EGFL6: variants seen among roughly 807,000 people sequenced by gnomAD.
EGFL6 encodes epidermal growth factor-like protein 6.
A neutral mutation model predicts 43.1 loss-of-function variants in EGFL6; 42 were observed. The ratio of observed to expected loss-of-function variants is 0.98; its 90% confidence interval spans 0.76 to 1.26. The LOEUF (loss-of-function observed/expected upper bound fraction) is 1.26. EGFL6 is among the 50% of genes most tolerant of loss of function. The probability of loss-of-function intolerance (pLI) is 0.00; values close to 1 mark genes in which losing one functional copy is unlikely to be tolerated. For synonymous variants in EGFL6, 164 were observed against 163.2 expected, an observed-to-expected ratio of 1.01 and a Z score of -0.04; for missense variants, 429 against 427.8, an observed-to-expected ratio of 1.00 and a Z score of -0.02.
intron 4 of EGFL6, 119 bp downstream of exon 4, chrX:13,600,213 G>C: frequency 3.1e-6 from 2 of 649,426 alleles, no homozygotes; most frequent in Non-Finnish European, 4.2e-6. Context: ...ATTGCCCCCA[G>C]CTAAAATGTT....
chrX:13,627,216 G>A lies in EGFL6; in HGVS notation c.1491G>A (p.Glu497=). 21 of 1,211,988 alleles carry A rather than the reference G, an allele frequency of 1.7e-5. No homozygotes were observed. The highest frequency in any genetic ancestry group is 2.3e-5 in the Non-Finnish European group (21 of 895,340). Residue 497 remains glutamate, a synonymous_variant, in exon 11 of 12, where the codon GAG becomes GAA. Coordinates refer to ENST00000361306, the MANE Select transcript of EGFL6 (RefSeq NM_015507.4). ...TGGCATGGGAGAAGACCACGAGTGA[G>A]GATGAAAAGTGGAAGACAGGGAAAA... ...NALAWEKTTS[E]DEKWKTGKIQ... is the part of the protein sequence containing the mutation.
At chrX:13,593,594 G>C (rs981007294) in intron 2 of EGFL6, among the ~76,000 whole-genome samples, 2 of 111,707 alleles carry the variant, frequency 1.8e-5, no homozygotes, top group African/African-American at 6.5e-5. Flanking sequence ...GCATCAGTGA[G>C]GCACTGGTCA....
intron 10 of EGFL6, among the ~76,000 whole-genome samples, chrX:13,624,163 T>C (rs1431009922): frequency 9.0e-6 from 1 of 111,645 alleles, no homozygotes; most frequent in African/African-American, 3.3e-5. Flanking sequence ...GAAAACCTCT[T>C]CCATATTCAC....
chrX:13,631,294 T>C (rs1162505984), intron 11 of EGFL6, among the ~76,000 whole-genome samples: 1 of 112,016 alleles, frequency 8.9e-6, no homozygotes, highest in East Asian at 2.8e-4. Flanking sequence ...AGAAACCCTC[T>C]AGGCCTAGTC....
At chrX:13,606,261 C>A in intron 5 of EGFL6, 118 bp from the exon 6 acceptor site, 2 of 753,325 alleles carry the variant, frequency 2.7e-6, no homozygotes, top group Non-Finnish European at 3.9e-6. Flanking sequence ...ATGATGTTGG[C>A]ACCAGTATAC....
chrX:13,612,099 G>T (rs1277551520), intron 7 of EGFL6, among the ~76,000 whole-genome samples: 6 of 109,560 alleles, frequency 5.5e-5, no homozygotes, highest in Non-Finnish European at 1.1e-4. Context: ...TCGGAGAGGG[G>T]GATTTGGCAG....
chrX:13,611,947 C>T (rs1410675303), intron 7 of EGFL6, among the ~76,000 whole-genome samples: 1 of 112,067 alleles, frequency 8.9e-6, no homozygotes, highest in Non-Finnish European at 1.9e-5. Flanking sequence ...CTCTAATTCT[C>T]CATAAAATAA....
chrX:13,624,954 A>C (rs1445660051), intron 10 of EGFL6: 2 of 112,117 alleles, frequency 1.8e-5, no homozygotes, highest in Non-Finnish European at 3.8e-5. Context: ...ACCAGGCTGA[A>C]AACATCATAT....
Position 13,617,836 on chromosome X carries a change from A to T in EGFL6, c.885A>T (p.Lys295Asn). ...AAAACAGCATGAAAAAGAAGGCAAA[A>T]ATTAAAAATGTTACCCCAGAACCCA... ...AHKNSMKKKA[K>N]IKNVTPEPTR... Residue 295 changes from lysine (K) to asparagine (N), a missense_variant, in exon 8 of 12, where the codon AAA (lysine) becomes AAT (asparagine). Lys to Asn is a moderately conservative substitution (Grantham distance 94). Coordinates refer to ENST00000361306, the MANE Select transcript of EGFL6 (RefSeq NM_015507.4). 1 of 1,211,663 alleles carries T rather than the reference A, an allele frequency of 8.3e-7. No individual in the cohort carries two copies. The highest frequency in any genetic ancestry group is 1.1e-6 in the Non-Finnish European group (1 of 895,479).
intron 1 of EGFL6, chrX:13,575,023 C>T (rs1215325340): frequency 8.7e-6 from 1 of 115,276 alleles, no homozygotes; most frequent in Non-Finnish European, 1.8e-5. Flanking sequence ...CCAGATGATT[C>T]TGATATCATT....
chrX:13,629,656 A>C (rs1024186295), intron 11 of EGFL6, among the ~76,000 whole-genome samples: 1 of 112,288 alleles, frequency 8.9e-6, no homozygotes, highest in Non-Finnish European at 1.9e-5. Flanking sequence ...GGACATTTGT[A>C]ACATATGTGA....
chrX:13,612,626 G>A (rs963410954), intron 7 of EGFL6, among the ~76,000 whole-genome samples: 1 of 110,424 alleles, frequency 9.1e-6, no homozygotes, highest in Middle Eastern at 4.7e-3. Context: ...GGGCGGCTGG[G>A]CAGAGGCACC....
At chrX:13,578,673 G>A (rs963078807) in intron 1 of EGFL6, among the ~76,000 whole-genome samples, 7 of 110,586 alleles carry the variant, frequency 6.3e-5, no homozygotes, top group South Asian at 3.8e-4. Context: ...GCAAACTATC[G>A]CAAGGACAAA....
At chrX:13,625,889 AAAAAAAAAAAAAAAGAAAAAG>A (rs1267856277) in intron 10 of EGFL6, among the ~76,000 whole-genome samples, 1 of 72,346 alleles carries the variant, frequency 1.4e-5, no homozygotes, top group Non-Finnish European at 2.8e-5. Context: ...CTGCCTCAAA[AAAAAAAAAAAAAAAGAAAAAG>A]AAAAAAAGAA....
intron 2 of EGFL6, among the ~76,000 whole-genome samples, chrX:13,591,802 C>T (rs1056442922): frequency 9.0e-6 from 1 of 111,210 alleles, no homozygotes. Flanking sequence ...AGCCTCTACC[C>T]TGTCTAAATC....
intron 1 of EGFL6, among the ~76,000 whole-genome samples, chrX:13,572,957 G>A (rs777551353): frequency 4.5e-5 from 5 of 112,303 alleles, no homozygotes; most frequent in Non-Finnish European, 9.4e-5. Context: ...TCCATTTCTT[G>A]TATCTTCCAG....
intron 7 of EGFL6, among the ~76,000 whole-genome samples, chrX:13,612,972 C>A (rs1161713429): frequency 6.5e-5 from 7 of 108,500 alleles, no homozygotes; most frequent in Non-Finnish European, 3.8e-5. Context: ...CGGTAAAACC[C>A]CGCCTCTACT....
intron 7 of EGFL6, among the ~76,000 whole-genome samples, chrX:13,612,353 C>T (rs373767785): frequency 9.7e-6 from 1 of 103,569 alleles, no homozygotes; most frequent in Non-Finnish European, 2.0e-5. Flanking sequence ...TCAGAGAGCA[C>T]GGGGTTGGGG....
chrX:13,589,105 C>T (rs1483480654), intron 1 of EGFL6, among the ~76,000 whole-genome samples: 1 of 111,965 alleles, frequency 8.9e-6, no homozygotes, highest in African/African-American at 3.3e-5. Flanking sequence ...GCCCTTCCAA[C>T]TCTTAATCAT....
Sources: gnomAD v4.1 joint callset for allele counts (sites outside exome capture counted in the v4.1 genomes callset) on GRCh38, gnomAD v4.1.1 for gene constraint, MANE v1.5 for transcripts, NCBI Gene and HGNC (gene_info 2026-07-23, HGNC 2026-07-21) for gene names.